The following MECR variants were observed in gnomAD, a reference collection of about 807,000 sequenced individuals.
MECR encodes the protein enoyl-[acyl-carrier-protein] reductase, mitochondrial.
A neutral mutation model predicts 49.1 loss-of-function variants in MECR; 37 were observed. That is an observed-to-expected ratio of 0.75 (90% CI 0.58 to 0.99). The LOEUF (loss-of-function observed/expected upper bound fraction) is 0.99. MECR is among the 50% of genes least tolerant of loss of function. The pLI is 0.00. For synonymous variants in MECR, 198 were observed against 191.1 expected, an observed-to-expected ratio of 1.04 and a Z score of -0.30; for missense variants, 470 against 479.6, an observed-to-expected ratio of 0.98 and a Z score of 0.19.
chr1:29,210,498 C>T (rs974770701), intron 3 of MECR, among the ~76,000 whole-genome samples: 13 of 152,188 alleles, frequency 8.5e-5, no homozygotes, highest in Admixed American at 2.0e-4. Flanking sequence ...TGTACTCTAC[C>T]GTGCACCAAA....
chr1:29,171,125 T>A, the MECR span: 1 of 152,078 alleles, frequency 6.6e-6, no homozygotes, highest in Non-Finnish European at 1.5e-5. Flanking sequence ...TACAAATCCT[T>A]CCTCAGCCAA....
At chr1:29,180,311 T>G in the MECR span, among the ~76,000 whole-genome samples, 1 of 152,220 alleles carries the variant, frequency 6.6e-6, no homozygotes, top group Non-Finnish European at 1.5e-5. Flanking sequence ...TACCCGCCAC[T>G]TCAATATATC....
At chr1:29,177,893 AT>A in the MECR span, among the ~76,000 whole-genome samples, 2,095 of 93,552 alleles carry the variant, frequency 0.022, 16 homozygotes, top group African/African-American at 0.045. Flanking sequence ...ATTACACAAG[AT>A]TTTTTTTTTT....
At chr1:29,176,446 GAGCCTTGGGAGA>G in the MECR span, among the ~76,000 whole-genome samples, 5 of 150,788 alleles carry the variant, frequency 3.3e-5, no homozygotes, top group South Asian at 4.2e-4. Flanking sequence ...ATGAATGACA[GAGCCTTGGGAGA>G]AGCCTTGGGA....
chr1:29,170,829 T>TG, the MECR span: 12 of 152,146 alleles, frequency 7.9e-5, no homozygotes, highest in African/African-American at 2.4e-4. Flanking sequence ...CTCTAGGTCT[T>TG]GGGGGTCTTT....
At chr1:29,168,963 C>T in the MECR span, 13 of 152,110 alleles carry the variant, frequency 8.5e-5, no homozygotes, top group African/African-American at 3.1e-4. Flanking sequence ...AAAGCAGCAA[C>T]CAGAAAAGTA....
At chr1:29,217,513 T>G (rs1389200258) in intron 1 of MECR, among the ~76,000 whole-genome samples, 1 of 152,052 alleles carries the variant, frequency 6.6e-6, no homozygotes, top group African/African-American at 2.4e-5. Flanking sequence ...CTGTGCCCGG[T>G]CTTTCAACCC....
intron 3 of MECR, among the ~76,000 whole-genome samples, chr1:29,210,012 CTT>C (rs11364584): frequency 0.01 from 1,439 of 141,328 alleles, 21 homozygotes; most frequent in African/African-American, 0.031. Context: ...GGCAGGAACA[CTT>C]TTTTTTTTTT....
At position 29,212,472 on chromosome 1, in the gene MECR, T is replaced by G. The variant is rs1678259024; in HGVS notation, c.406+3533A>C. ...CCTTTTCTCCAGGGAAGAATCCCTG[T>G]TCTGGGTACCCCCACCACCACATGT... On this transcript the variant is annotated intron_variant, in intron 3 of 9. Transcript: ENST00000263702. Among the ~76,000 whole-genome samples, 3 of 152,278 alleles carry G rather than the reference T, an allele frequency of 2.0e-5. No individual in the cohort carries two copies. In the South Asian group the frequency reaches 6.2e-4, roughly 32 times the overall value.
At chr1:29,210,283 A>G (rs1677662962) in intron 3 of MECR, among the ~76,000 whole-genome samples, 1 of 152,106 alleles carries the variant, frequency 6.6e-6, no homozygotes, top group Non-Finnish European at 1.5e-5. Flanking sequence ...AAGTGCTGGG[A>G]TTATAGGCAT....
In MECR at chr1:29,193,165, G is replaced by GA. The variant is rs1673234758; in HGVS notation, c.*856dup. ...TCACCACGTTACCTAGGTTGACCTT[G>GA]AACTCCTGGGCTCAAGTGATCCGCT... On this transcript the variant is annotated 3_prime_UTR_variant, in exon 10 of 10. Transcript: ENST00000263702. The GA allele has an allele frequency of 5.4e-6, 1 of 186,272 alleles. No homozygotes were observed. The highest frequency in any genetic ancestry group is 4.2e-5 in the Admixed American group (1 of 23,640). The allele number at this position is 186,272 out of a possible 1,614,324, so 11.5% of individuals were successfully genotyped here.
At chr1:29,199,307 A>G (rs1171425005) in intron 7 of MECR, among the ~76,000 whole-genome samples, 1 of 152,126 alleles carries the variant, frequency 6.6e-6, no homozygotes, top group Non-Finnish European at 1.5e-5. Flanking sequence ...GGCCCACCGC[A>G]AGCTCTGCCT....
chr1:29,181,822 A>ACGGCGGCAGCGG, the MECR span: 1 of 1,328,760 alleles, frequency 7.5e-7, no homozygotes, highest in Non-Finnish European at 9.8e-7. Context: ...AAGCGAGAGC[A>ACGGCGGCAGCGG]CGGCGGCAGC....
At chr1:29,181,760 A>G in the MECR span, 1 of 1,571,640 alleles carries the variant, frequency 6.4e-7, no homozygotes, top group Non-Finnish European at 8.6e-7. Flanking sequence ...CATCCCGGCA[A>G]CGGCAGTGAT....
downstream of MECR, among the ~76,000 whole-genome samples, chr1:29,192,639 A>G (rs946789612): frequency 1.3e-5 from 2 of 152,176 alleles, no homozygotes; most frequent in African/African-American, 2.4e-5. Context: ...GGGCCAGGTG[A>G]TAAGGGAGAC....
Position 29,201,395 on chromosome 1 carries a change from G to A in MECR, c.756+548C>T, listed in dbSNP as rs752421549. ...TTACTAGGCATGTTGTGGGGTGGAG[G>A]TTCTGGAAGGTTAAGAGGCTTTGAG... On this transcript the variant is annotated intron_variant, in intron 6 of 9. Coordinates refer to ENST00000263702, the MANE Select transcript of MECR (RefSeq NM_016011.5). This position sits in a 1 kb window ranked among gnomAD's most constrained non-coding sequence, Gnocchi z 4.3. 3.8e-6 allele frequency: 2 copies of A among 533,064 alleles called. No homozygotes were observed. Among genetic ancestry groups the A allele is most frequent in the Admixed American group, 3.9e-5 (2 of 51,530 alleles). 33.0% of individuals were successfully genotyped at this position (533,064 alleles called of 1,614,324 possible).
chr1:29,198,133 C>T (rs930941437), intron 7 of MECR, among the ~76,000 whole-genome samples: 1 of 152,138 alleles, frequency 6.6e-6, no homozygotes, highest in Non-Finnish European at 1.5e-5. Flanking sequence ...GTTCACATGC[C>T]CATGAGAATC....
intron 3 of MECR, among the ~76,000 whole-genome samples, chr1:29,207,322 G>A (rs1676862289): frequency 1.3e-5 from 2 of 152,008 alleles, no homozygotes; most frequent in African/African-American, 4.8e-5. Context: ...GTTTTGCCTT[G>A]TTGGTCAGGC....
intron 1 of MECR, chr1:29,223,287 A>G: frequency 3.0e-6 from 3 of 985,424 alleles, no homozygotes; most frequent in Non-Finnish European, 2.4e-6. Flanking sequence ...AGTACAAGGG[A>G]GACAAAAGCA....
Sources: gnomAD v4.1 joint callset for allele counts (sites outside exome capture counted in the v4.1 genomes callset) on GRCh38, gnomAD v4.1.1 for gene constraint, Gnocchi (gnomAD v3.1) non-coding constraint, MANE v1.5 for transcripts, NCBI Gene and HGNC (gene_info 2026-07-23, HGNC 2026-07-21) for gene names.